Variants in SAG observed in about 807,000 individuals in gnomAD.
SAG encodes the protein S-arrestin.
Under a neutral mutation model 55.0 loss-of-function variants are expected in SAG, and 45 were observed. The ratio of observed to expected loss-of-function variants is 0.82; its 90% CI spans 0.64 to 1.05. The LOEUF is 1.05. Ranked by LOEUF, SAG falls within the 50% of genes least tolerant of loss-of-function variation. The pLI is 0.00. For synonymous variants in SAG, 189 were observed against 197.4 expected (o/e 0.96, Z 0.36); for missense variants, 455 against 512.1 (o/e 0.89, Z 1.08).
intron 10 of SAG, 58 bp from the exon 11 acceptor site, chr2:233,334,904 T>C: frequency 6.3e-7 from 1 of 1,594,620 alleles, no homozygotes; most frequent in Admixed American, 1.7e-5. Flanking sequence ...AAATAGGGGC[T>C]CATGGGGTCC....
chr2:233,340,554 T>G lies in SAG; in HGVS notation c.1046+76T>G. 97 of 1,195,024 alleles carry G rather than the reference T, an allele frequency of 8.1e-5. No homozygotes were observed. Among genetic ancestry groups the G allele is most frequent in the Non-Finnish European group, 1.1e-4 (90 of 815,716 alleles). The allele number at this position is 1,195,024 out of a possible 1,614,324, so 74.0% of individuals were successfully genotyped here. On this transcript the variant is annotated intron_variant, in intron 13 of 15. Coordinates refer to ENST00000409110, the MANE Select transcript of SAG (RefSeq NM_000541.5). This position sits in a 1 kb window ranked among gnomAD's most constrained non-coding sequence, Gnocchi z 4.2. Reference sequence around the variant, plus strand: ...AGCAAACTTGGGGCTCCAAAACGGTTTCTGATGAAAGCTGCTTTCTGGACA... The same window carrying G: ...AGCAAACTTGGGGCTCCAAAACGGTGTCTGATGAAAGCTGCTTTCTGGACA...
At chr2:233,335,789 C>T (rs961932044) in intron 11 of SAG, among the ~76,000 whole-genome samples, 10 of 152,250 alleles carry the variant, frequency 6.6e-5, no homozygotes, top group South Asian at 2.1e-4. Context: ...TTCCAAGCCA[C>T]GCTTTTGCGC....
chr2:233,313,303 T>A (rs1225418520), intron 2 of SAG, among the ~76,000 whole-genome samples: 1 of 151,934 alleles, frequency 6.6e-6, no homozygotes, highest in Non-Finnish European at 1.5e-5. Flanking sequence ...AAATCTGTGG[T>A]GTTTGGGGGA....
At chr2:233,336,969 G>T (rs1040905795) in intron 11 of SAG, among the ~76,000 whole-genome samples, 2 of 152,076 alleles carry the variant, frequency 1.3e-5, no homozygotes, top group Non-Finnish European at 2.9e-5. Context: ...GGTGGCACGT[G>T]CCTGTAGTCC....
intron 5 of SAG, among the ~76,000 whole-genome samples, chr2:233,322,355 C>G (rs1037269482): frequency 1.3e-5 from 2 of 152,074 alleles, no homozygotes; most frequent in African/African-American, 2.4e-5. Flanking sequence ...TTATAGAGCC[C>G]TAAAAAGGAT....
intron 2 of SAG, among the ~76,000 whole-genome samples, chr2:233,310,971 G>T (rs1700063063): frequency 6.6e-6 from 1 of 152,068 alleles, no homozygotes; most frequent in Non-Finnish European, 1.5e-5. Flanking sequence ...CGTTCTCCAA[G>T]CCCTTTCCCA....
intron 13 of SAG, among the ~76,000 whole-genome samples, chr2:233,341,081 T>C (rs1353285623): frequency 6.6e-6 from 1 of 152,240 alleles, no homozygotes; most frequent in Non-Finnish European, 1.5e-5. Flanking sequence ...CCCAAAGTGC[T>C]GGGATTATAG....
intron 9 of SAG, 79 bp downstream of exon 9, chr2:233,329,656 G>A (rs1700685385): frequency 1.0e-6 from 1 of 957,738 alleles, no homozygotes; most frequent in South Asian, 1.4e-5. Flanking sequence ...CACTTCTCTG[G>A]TCTGATAAGG....
Position 233,346,966 on chromosome 2 carries a change from A to G in SAG, c.*54A>G. On this transcript the variant is annotated 3_prime_UTR_variant, in exon 16 of 16. Transcript: ENST00000409110. Reference sequence around the variant, plus strand: ...ACCTGTAGTTACCAGTGCAACGAGCAAAGCCCCACAGTTTAGTCCTTTGGA... The same window carrying G: ...ACCTGTAGTTACCAGTGCAACGAGCGAAGCCCCACAGTTTAGTCCTTTGGA... 3.1e-6 allele frequency: 3 copies of G among 979,106 alleles called. No homozygotes were observed. Among genetic ancestry groups the G allele is most frequent in the Non-Finnish European group, 4.8e-6 (3 of 622,068 alleles). The allele number at this position is 979,106 out of a possible 1,614,324, so 60.7% of individuals were successfully genotyped here.
At position 233,328,499 on chromosome 2, in the gene SAG, C is replaced by A; in HGVS notation, c.534C>A (p.Ile178=). ...ACAGGAGCTCCGTGCGATTACTGAT[C>A]CGCAAAGTACAGCATGCCCCACTTG... is the stretch of plus-strand genomic sequence containing the variant. ...IPKKSSVRLL[I]RKVQHAPLEM... The change falls in exon 8 of 16, where the codon ATC becomes ATA. Residue 178 remains isoleucine (I), a synonymous_variant. Coordinates refer to ENST00000409110, the MANE Select transcript of SAG (RefSeq NM_000541.5). The A allele has an allele frequency of 1.2e-6, 2 of 1,613,798 alleles. No homozygotes were observed. Among genetic ancestry groups the A allele is most frequent in the Non-Finnish European group, 1.7e-6 (2 of 1,179,732 alleles).
rs1469310367 is a variant in SAG, at chr2:233,340,144, A to G, written c.1023-311A>G. On this transcript the variant is annotated intron_variant, in intron 12 of 15. Coordinates refer to ENST00000409110, the MANE Select transcript of SAG (RefSeq NM_000541.5). This position sits in a 1 kb window ranked among gnomAD's most constrained non-coding sequence, Gnocchi z 4.2. ...GCTAATTTTTGTATTTTTAGTAGAG[A>G]TGGGGTTTTACCACGTTGGTCAGGC... Among the ~76,000 whole-genome samples, 1 of 151,664 alleles carries G rather than the reference A, an allele frequency of 6.6e-6. No individual in the cohort carries two copies. The highest frequency in any genetic ancestry group is 1.5e-5 in the Non-Finnish European group (1 of 67,980).
At chr2:233,337,201 G>A (rs760570769) in intron 11 of SAG, among the ~76,000 whole-genome samples, 18 of 151,528 alleles carry the variant, frequency 1.2e-4, no homozygotes, top group East Asian at 7.8e-4. Context: ...GCCATACTCC[G>A]CAAGTCCAGA....
chr2:233,320,698 C>T lies in SAG; in HGVS notation c.250C>T (p.Arg84Cys), dbSNP rs115857633. The T allele has an allele frequency of 1.0e-3, 1,629 of 1,605,728 alleles. 12 individuals are homozygous for T. In the African/African-American group the frequency reaches 0.017, roughly 17 times the overall value. ...CATTGACGTGATCGGCTTGACCTTCCGCAGGGACCTGTACTTCTCCCGGGT... is the reference window on the plus strand; with the variant it reads ...CATTGACGTGATCGGCTTGACCTTCTGCAGGGACCTGTACTTCTCCCGGGT... ...EDIDVIGLTF[R>C]RDLYFSRVQV... is the part of the protein sequence containing the mutation. The change falls in exon 5 of 16, where the codon CGC becomes TGC. Residue 84 changes from arginine (R) to cysteine (C), a missense_variant. Arg to Cys is a radical substitution (Grantham distance 180). Coordinates refer to ENST00000409110, the MANE Select transcript of SAG (RefSeq NM_000541.5).
chr2:233,342,065 A>C (rs1337642697), intron 13 of SAG, among the ~76,000 whole-genome samples: 1 of 150,992 alleles, frequency 6.6e-6, no homozygotes, highest in Non-Finnish European at 1.5e-5. Context: ...TGGAGGTTGC[A>C]GTGAGCCGAG....
intron 6 of SAG, among the ~76,000 whole-genome samples, chr2:233,324,076 T>G (rs11891546): frequency 0.46 from 70,419 of 151,796 alleles, 17,482 homozygotes; most frequent in South Asian, 0.61. Context: ...AGTGAGGAGG[T>G]TGCCTGCTGA....
Position 233,320,757 on chromosome 2 carries a change from C to A in SAG, c.309C>A (p.Thr103=). ...ATCCTCCTGTGGGGGCCGCGAGCAC[C>A]CCCACAAAACTGCAAGAGAGCCTGC... ...QVYPPVGAAS[T]PTKLQESLLK... The change falls in exon 5 of 16, where the codon ACC becomes ACA. Residue 103 remains threonine, a synonymous_variant. Transcript: ENST00000409110. The A allele has an allele frequency of 6.2e-7, 1 of 1,606,672 alleles. No individual in the cohort carries two copies. The highest frequency in any genetic ancestry group is 8.5e-7 in the Non-Finnish European group (1 of 1,176,680).
chr2:233,314,404 C>G (rs1033560945), intron 2 of SAG, among the ~76,000 whole-genome samples: 3 of 152,046 alleles, frequency 2.0e-5, no homozygotes, highest in African/African-American at 7.2e-5. Flanking sequence ...AGCCGCAGGC[C>G]CAGCCACCAT....
intron 11 of SAG, among the ~76,000 whole-genome samples, chr2:233,335,797 C>T (rs1700906929): frequency 2.0e-5 from 3 of 152,364 alleles, no homozygotes; most frequent in South Asian, 2.1e-4. Flanking sequence ...CACGCTTTTG[C>T]GCTTCCCTTC....
chr2:233,326,182 G>A (rs6756706), intron 6 of SAG, among the ~76,000 whole-genome samples: 90,051 of 152,030 alleles, frequency 0.59, 27,110 homozygotes, highest in African/African-American at 0.65. Context: ...GGAATCGGGG[G>A]AAGGTCACTG....
Sources: gnomAD v4.1 joint callset for allele counts (sites outside exome capture counted in the v4.1 genomes callset) on GRCh38, gnomAD v4.1.1 for gene constraint, Gnocchi (gnomAD v3.1) non-coding constraint, MANE v1.5 for transcripts, NCBI Gene and HGNC (gene_info 2026-07-23, HGNC 2026-07-21) for gene names.